Variants in PRKAG2 observed in about 807,000 individuals in gnomAD.
PRKAG2 encodes the protein 5'-AMP-activated protein kinase subunit gamma-2.
PRKAG2 carries 26 observed loss-of-function variants against 69.6 expected under a neutral mutation model. The ratio of observed to expected loss-of-function variants is 0.37; its 90% CI spans 0.27 to 0.52. PRKAG2 has a LOEUF of 0.52. PRKAG2 is among the 20% of genes least tolerant of loss of function. The pLI, the probability that PRKAG2 is intolerant of heterozygous loss-of-function variation, is 0.90. For synonymous variants in PRKAG2, 293 were observed against 285.0 expected, an observed-to-expected ratio of 1.03 and a Z score of -0.28; for missense variants, 557 against 740.0, an observed-to-expected ratio of 0.75 and a Z score of 2.87.
chr7:151,799,789 G>T (rs940467061), intron 1 of PRKAG2, among the ~76,000 whole-genome samples: 2 of 152,162 alleles, frequency 1.3e-5, no homozygotes, highest in African/African-American at 4.8e-5. Context: ...CCCATTCCAG[G>T]CCACACCGCC....
At chr7:151,735,871 C>T in intron 3 of PRKAG2, 2 of 1,536,112 alleles carry the variant, frequency 1.3e-6, no homozygotes, top group Non-Finnish European at 8.7e-7. Context: ...GACAGACCAC[C>T]AGGGGCTCGG....
At chr7:151,736,972 T>A (rs2073466037) in intron 3 of PRKAG2, among the ~76,000 whole-genome samples, 1 of 152,206 alleles carries the variant, frequency 6.6e-6, no homozygotes, top group Non-Finnish European at 1.5e-5. Flanking sequence ...CCTTGACTCC[T>A]AAGCCAAACC....
rs1563664136 is a variant in PRKAG2 at position 151,782,428 on chromosome 7, A to AAGGAAGGAAG, written c.187-998_187-997insCTTCCTTCCT. On this transcript the variant is annotated intron_variant, in intron 2 of 15. Transcript: ENST00000287878. ...AGGAAGGAAGGAAGGAAGGAAGGAA[A>AAGGAAGGAAG]GAAAGAAGGAAAGAAGGAAGTTAAC... 3.2e-4 allele frequency among the ~76,000 whole-genome samples: 24 copies of AAGGAAGGAAG among 75,064 alleles called. 1 individual carries two copies. The highest frequency in any genetic ancestry group is 6.9e-4 in the African/African-American group (16 of 23,348). The allele number at this position is 75,064 out of a possible 152,430, so 49.2% of individuals were successfully genotyped here.
At chr7:151,865,158 T>G (rs1318929314) in intron 1 of PRKAG2, among the ~76,000 whole-genome samples, 2 of 152,200 alleles carry the variant, frequency 1.3e-5, no homozygotes, top group African/African-American at 4.8e-5. Context: ...GCCGTGTGAC[T>G]TGCCATGGCC....
At chr7:151,763,873 G>C (rs1422759870) in intron 3 of PRKAG2, among the ~76,000 whole-genome samples, 1 of 152,218 alleles carries the variant, frequency 6.6e-6, no homozygotes, top group Non-Finnish European at 1.5e-5. Context: ...ACAGTGCCCT[G>C]AGCCCAGGCT....
chr7:151,789,766 G>T (rs1304157205), intron 1 of PRKAG2, among the ~76,000 whole-genome samples: 1 of 152,202 alleles, frequency 6.6e-6, no homozygotes, highest in Non-Finnish European at 1.5e-5. Context: ...TACAGCGAGG[G>T]CATTTGGAAA....
intron 3 of PRKAG2, among the ~76,000 whole-genome samples, chr7:151,776,911 C>T (rs1254889548): frequency 1.3e-5 from 2 of 152,172 alleles, no homozygotes; most frequent in Non-Finnish European, 2.9e-5. Context: ...GATCAGGGGC[C>T]TCACAGTCTC....
intron 3 of PRKAG2, among the ~76,000 whole-genome samples, chr7:151,729,901 C>T (rs561032300): frequency 3.9e-5 from 6 of 152,314 alleles, no homozygotes; most frequent in Admixed American, 2.6e-4. Context: ...GATGAAAATA[C>T]GTTTGCCATC....
intron 3 of PRKAG2, among the ~76,000 whole-genome samples, chr7:151,745,688 T>C (rs1027052566): frequency 6.6e-6 from 1 of 152,210 alleles, no homozygotes; most frequent in African/African-American, 2.4e-5. Flanking sequence ...ATCTTGATTT[T>C]AAAAACACAG....
Position 151,793,981 on chromosome 7 carries a change from G to A in PRKAG2, c.115-7440C>T, listed in dbSNP as rs375215602. Among the ~76,000 whole-genome samples the A allele has an allele frequency of 5.9e-5, 9 of 152,328 alleles. No homozygotes were observed. In the East Asian group the frequency reaches 7.7e-4, roughly 13 times the overall value. The stretch of plus-strand genomic sequence containing the variant: ...CCATTTACTTTCCACAGAGGACACC[G>A]TAGTTTCTCACTACAGCCTAAGCAA... On this transcript the variant is annotated intron_variant, in intron 1 of 15. Transcript: ENST00000287878.
chr7:151,780,101 T>C lies in PRKAG2; in HGVS notation c.466+1051A>G, dbSNP rs955260104. Among the ~76,000 whole-genome samples the C allele has an allele frequency of 3.3e-5, 5 of 152,100 alleles. No individual in the cohort carries two copies. The East Asian group carries it at 9.6e-4, about 29-fold the overall frequency. ...GTAGAAAGACGAAGTGCAAAATCTG[T>C]CCAAGAGATAGATCTGCTCCACTCA... On this transcript the variant is annotated intron_variant, in intron 3 of 15. Coordinates refer to ENST00000287878, the MANE Select transcript of PRKAG2 (RefSeq NM_016203.4). The surrounding 1 kb of genome is among the most constrained non-coding windows in gnomAD (Gnocchi z 4.2).
chr7:151,558,931 ACT>A, intron 15 of PRKAG2: 4 of 985,176 alleles, frequency 4.1e-6, no homozygotes, highest in Non-Finnish European at 4.8e-6. Flanking sequence ...TGACTTGTTT[ACT>A]CTTTTTGTAA....
rs41317142 is a variant in PRKAG2, at chr7:151,675,511, G to C, written c.593C>G (p.Pro198Arg). Reference sequence around the variant, plus strand: ...CGGGCAGAACCTCTGCCCTGTGTCCGGGGGGGAAGACGAGGCATAGATGCG... The same window carrying C: ...CGGGCAGAACCTCTGCCCTGTGTCCCGGGGGGAAGACGAGGCATAGATGCG... ...ENRIYASSSPPDTGQRFCPSS... is the reference protein window; with the variant it reads ...ENRIYASSSPRDTGQRFCPSS... The change falls in exon 4 of 16, where the codon CCG (proline) becomes CGG (arginine). Residue 198 changes from proline to arginine, a missense_variant. Around this residue, in one of 2 missense-constraint regions of PRKAG2, gnomAD observed 352 missense variants for 356.7 expected, o/e 0.99. Transcript: ENST00000287878. 4.3e-6 allele frequency: 7 copies of C among 1,613,650 alleles called. No homozygotes were observed. In the East Asian group the frequency reaches 6.7e-5, roughly 15 times the overall value.
At chr7:151,581,839 C>A (rs1193522533) in intron 6 of PRKAG2, among the ~76,000 whole-genome samples, 2 of 152,158 alleles carry the variant, frequency 1.3e-5, no homozygotes, top group Non-Finnish European at 2.9e-5. Flanking sequence ...TCCTGCTTCC[C>A]CATAATAAAT....
chr7:151,620,060 A>C (rs186840166), intron 5 of PRKAG2, among the ~76,000 whole-genome samples: 5 of 152,186 alleles, frequency 3.3e-5, no homozygotes, highest in African/African-American at 1.2e-4. Flanking sequence ...ATAAATAAAT[A>C]AATCAGAAAA....
At chr7:151,875,974 C>T (rs543007861) in intron 1 of PRKAG2, among the ~76,000 whole-genome samples, 13 of 151,828 alleles carry the variant, frequency 8.6e-5, no homozygotes, top group African/African-American at 3.1e-4. Flanking sequence ...CCCAGAAACG[C>T]CCGGAGAGAA....
intron 1 of PRKAG2, among the ~76,000 whole-genome samples, chr7:151,793,595 C>T (rs1372526715): frequency 2.0e-5 from 3 of 152,230 alleles, no homozygotes; most frequent in Non-Finnish European, 4.4e-5. Flanking sequence ...TGCCCTCAGT[C>T]ACTGCCCGGG....
chr7:151,857,972 C>T (rs2079827604), intron 1 of PRKAG2, among the ~76,000 whole-genome samples: 1 of 152,214 alleles, frequency 6.6e-6, no homozygotes, highest in Admixed American at 6.5e-5. Flanking sequence ...CTGGGACTTG[C>T]CTCTCCCATC....
At chr7:151,726,651 C>T (rs1395993743) in intron 3 of PRKAG2, among the ~76,000 whole-genome samples, 1 of 152,032 alleles carries the variant, frequency 6.6e-6, no homozygotes, top group Non-Finnish European at 1.5e-5. Context: ...TTCAACGCCG[C>T]ACGCAGGCAC....
Sources: allele counts gnomAD v4.1 joint callset (sites outside exome capture counted in the v4.1 genomes callset), GRCh38; gene constraint gnomAD v4.1.1; regional missense constraint gnomAD v4.1.1; non-coding constraint Gnocchi (gnomAD v3.1); transcripts MANE v1.5; gene names NCBI Gene and HGNC (gene_info 2026-07-23, HGNC 2026-07-21).